Variants in LIPC observed in about 807,000 individuals in gnomAD.
LIPC encodes the protein lipase C, hepatic type, also known as hepatic triacylglycerol lipase.
Under a neutral mutation model 50.7 loss-of-function variants are expected in LIPC, and 44 were observed. The observed-to-expected ratio is 0.87, with a 90% CI of 0.68 to 1.11. The LOEUF (loss-of-function observed/expected upper bound fraction) is 1.11. LIPC is among the 50% of genes most tolerant of loss of function. The pLI, the probability that LIPC is intolerant of heterozygous loss-of-function variation, is 0.00. For missense variants in LIPC, 697 were observed against 648.2 expected, an observed-to-expected ratio of 1.08 and a Z score of -0.82; for synonymous variants, 271 against 256.4, an observed-to-expected ratio of 1.06 and a Z score of -0.54.
chr15:58,491,721 G>A (rs528105283), intron 1 of LIPC, among the ~76,000 whole-genome samples: 7 of 152,170 alleles, frequency 4.6e-5, no homozygotes, highest in South Asian at 2.1e-4. Context: ...AGTCAAAGTC[G>A]TAGGGCTTTA....
chr15:58,490,423 C>T (rs1891547209), intron 1 of LIPC, among the ~76,000 whole-genome samples: 1 of 152,184 alleles, frequency 6.6e-6, no homozygotes, highest in South Asian at 2.1e-4. Context: ...CTTGAATGCC[C>T]CTTTGTAGCT....
chr15:58,486,787 G>A (rs1009300865), intron 1 of LIPC, among the ~76,000 whole-genome samples: 3 of 152,194 alleles, frequency 2.0e-5, no homozygotes, highest in Non-Finnish European at 4.4e-5. Context: ...AGTCAGAAGC[G>A]TGGGGGATAA....
chr15:58,560,777 GT>G (rs1319190919), intron 6 of LIPC, 86 bp from the exon 7 acceptor site: 1 of 712,600 alleles, frequency 1.4e-6, no homozygotes, highest in Non-Finnish European at 2.6e-6. Flanking sequence ...CCCTCTGCAT[GT>G]TTAAATTTTA....
chr15:58,546,023 G>A (rs1221244847), intron 5 of LIPC, 48 bp downstream of exon 5: 1 of 1,451,212 alleles, frequency 6.9e-7, no homozygotes, highest in East Asian at 2.3e-5. Context: ...ATTTCAATGG[G>A]GCCTCTGGAA....
At chr15:58,445,433 T>A (rs1324092150) in intron 1 of LIPC, among the ~76,000 whole-genome samples, 1 of 152,220 alleles carries the variant, frequency 6.6e-6, no homozygotes, top group Non-Finnish European at 1.5e-5. Context: ...GGCTGCCACT[T>A]TCTCATCATG....
chr15:58,535,657 T>C (rs1326712652), intron 1 of LIPC, among the ~76,000 whole-genome samples: 3 of 152,244 alleles, frequency 2.0e-5, no homozygotes, highest in East Asian at 1.9e-4. Flanking sequence ...AAATGTAAGA[T>C]GCTAGATGCT....
chr15:58,531,495 G>T (rs1457645154), intron 1 of LIPC, among the ~76,000 whole-genome samples: 1 of 151,982 alleles, frequency 6.6e-6, no homozygotes, highest in Non-Finnish European at 1.5e-5. Flanking sequence ...GAATTCAAGA[G>T]AATTTAAGAG....
At chr15:58,554,207 C>A (rs181110922) in intron 6 of LIPC, among the ~76,000 whole-genome samples, 1 of 152,188 alleles carries the variant, frequency 6.6e-6, no homozygotes, top group Non-Finnish European at 1.5e-5. Flanking sequence ...CACAGGGTTA[C>A]AATCCAGGAT....
chr15:58,504,841 C>A (rs962222158), intron 1 of LIPC, among the ~76,000 whole-genome samples: 1 of 152,222 alleles, frequency 6.6e-6, no homozygotes, highest in African/African-American at 2.4e-5. Context: ...CCCCATTATC[C>A]TATCTCGAGG....
At chr15:58,542,056 GC>G in intron 3 of LIPC, 89 bp downstream of exon 3, 1 of 1,401,802 alleles carries the variant, frequency 7.1e-7, no homozygotes, top group Non-Finnish European at 9.8e-7. Flanking sequence ...TCCAACAGCA[GC>G]CCAGGCAGGA....
chr15:58,487,120 G>GA (rs1390733732), intron 1 of LIPC, among the ~76,000 whole-genome samples: 1 of 152,182 alleles, frequency 6.6e-6, no homozygotes, highest in Non-Finnish European at 1.5e-5. Flanking sequence ...AATCAACTGG[G>GA]AAAAACATTG....
intron 1 of LIPC, among the ~76,000 whole-genome samples, chr15:58,514,377 T>C (rs940646138): frequency 6.6e-6 from 1 of 152,326 alleles, no homozygotes; most frequent in Middle Eastern, 3.4e-3. Flanking sequence ...GTAGTAGTAT[T>C]TGGTATTATA....
intron 1 of LIPC, among the ~76,000 whole-genome samples, chr15:58,529,952 C>T (rs1472137840): frequency 6.6e-6 from 1 of 152,216 alleles, no homozygotes; most frequent in Non-Finnish European, 1.5e-5. Context: ...TAAAAGATAT[C>T]GCACAGGACA....
At chr15:58,552,236 T>C (rs1302219031) in intron 6 of LIPC, among the ~76,000 whole-genome samples, 1 of 152,134 alleles carries the variant, frequency 6.6e-6, no homozygotes, top group Non-Finnish European at 1.5e-5. Flanking sequence ...ACACGTTAGC[T>C]CATTTCCCAT....
intron 8 of LIPC, 105 bp downstream of exon 8, chr15:58,563,828 A>T: frequency 1.0e-6 from 1 of 967,630 alleles, no homozygotes; most frequent in Non-Finnish European, 1.6e-6. Context: ...GAGTATTATT[A>T]GGCCCTAGTG....
chr15:58,537,323 G>T (rs772487192), intron 1 of LIPC, among the ~76,000 whole-genome samples: 2 of 152,184 alleles, frequency 1.3e-5, no homozygotes, highest in Non-Finnish European at 2.9e-5. Context: ...CCCCTCCAAA[G>T]TGGCTCATGG....
At chr15:58,464,325 C>A (rs1384681002) in intron 1 of LIPC, among the ~76,000 whole-genome samples, 1 of 152,192 alleles carries the variant, frequency 6.6e-6, no homozygotes, top group Non-Finnish European at 1.5e-5. Context: ...CTGTGTGAAC[C>A]AACTCGGCTC....
chr15:58,547,404 G>A (rs1202231199), intron 5 of LIPC, among the ~76,000 whole-genome samples: 1 of 152,180 alleles, frequency 6.6e-6, no homozygotes, highest in Non-Finnish European at 1.5e-5. Flanking sequence ...GGAGCGGAGG[G>A]CACGCAGCAT....
Position 58,559,714 on chromosome 15 carries a change from A to AAAC in LIPC, c.1052-1148_1052-1147insCAA, listed in dbSNP as rs1555407245. On this transcript the variant is annotated intron_variant, in intron 6 of 8. Coordinates refer to ENST00000299022, the MANE Select transcript of LIPC (RefSeq NM_000236.3). ...AGAGACCCTGTCTCAAAAAAAAAAA[A>AAAC]AAAAAAAAAAACCCAAAACAAAAAC... Among the ~76,000 whole-genome samples the AAAC allele has an allele frequency of 1.2e-3, 177 of 148,484 alleles. 2 individuals are homozygous for AAAC. Among genetic ancestry groups the AAAC allele is most frequent in the Middle Eastern group, 3.5e-3 (1 of 288 alleles).
Sources: allele counts gnomAD v4.1 joint callset (sites outside exome capture counted in the v4.1 genomes callset), GRCh38; gene constraint gnomAD v4.1.1; transcripts MANE v1.5; gene names NCBI Gene and HGNC (gene_info 2026-07-23, HGNC 2026-07-21).